TUFM: variants seen among roughly 807,000 people sequenced by gnomAD.
TUFM encodes the protein Tu translation elongation factor, mitochondrial, also known as elongation factor Tu, mitochondrial.
In TUFM, 23 loss-of-function variants were observed where a neutral mutation model predicts 45.0. The observed-to-expected ratio is 0.51, with a 90% CI of 0.37 to 0.72. The LOEUF (loss-of-function observed/expected upper bound fraction) is 0.72, where lower values mean the gene tolerates loss of function less well. Ranked by LOEUF, TUFM falls within the 30% of genes least tolerant of loss-of-function variation. The probability of loss-of-function intolerance (pLI) is 0.00; values close to 1 mark genes in which losing one functional copy is unlikely to be tolerated. For synonymous variants in TUFM, 243 were observed against 252.9 expected, an observed-to-expected ratio of 0.96 and a Z score of 0.37; for missense variants, 490 against 610.7, an observed-to-expected ratio of 0.80 and a Z score of 2.08.
intron 3 of TUFM, 89 bp from the exon 4 acceptor site, chr16:28,845,144 G>A: frequency 6.4e-7 from 1 of 1,569,174 alleles, no homozygotes; most frequent in Non-Finnish European, 8.8e-7. Flanking sequence ...AGAAACTCAG[G>A]CCCACCTTTC....
At position 28,844,587 on chromosome 16, in the gene TUFM, A is replaced by G; in HGVS notation, c.685-36T>C. ...GAAGTGCCAGGACTCTGAAATCCCC[A>G]TTCTACTTCCCTCGATTATCAAGAG... On this transcript the variant is annotated intron_variant, in intron 5 of 9. Coordinates refer to ENST00000313511, the MANE Select transcript of TUFM (RefSeq NM_003321.5). The surrounding 1 kb of genome is among the most constrained non-coding windows in gnomAD (Gnocchi z 5.8). 6.2e-7 allele frequency: 1 copy of G among 1,613,172 alleles called. No individual in the cohort carries two copies.
chr16:28,844,155 G>A lies in TUFM; in HGVS notation c.923-54C>T. 1.2e-6 allele frequency: 2 copies of A among 1,613,904 alleles called. No individual in the cohort carries two copies. Among genetic ancestry groups the A allele is most frequent in the Non-Finnish European group, 1.7e-6 (2 of 1,179,752 alleles). On this transcript the variant is annotated intron_variant, in intron 7 of 9. Transcript: ENST00000313511. This position sits in a 1 kb window ranked among gnomAD's most constrained non-coding sequence, Gnocchi z 5.8. Reference sequence around the variant, plus strand: ...AGAAGGAAGGCGAATGTGAGACAGAGGGAAGGCACAAGGGATCTGCCGGGG... The same window carrying A: ...AGAAGGAAGGCGAATGTGAGACAGAAGGAAGGCACAAGGGATCTGCCGGGG...
chr16:28,845,585 ATC>A, intron 2 of TUFM, 105 bp from the exon 3 acceptor site: 1 of 1,349,542 alleles, frequency 7.4e-7, no homozygotes, highest in Non-Finnish European at 1.0e-6. Flanking sequence ...ACCTCCTCCA[ATC>A]TCTAACTCTT....
intron 9 of TUFM, 114 bp downstream of exon 9, chr16:28,843,622 A>G (rs1342543760): frequency 3.4e-6 from 5 of 1,467,926 alleles, no homozygotes; most frequent in Non-Finnish European, 4.6e-6. Flanking sequence ...GCCCCTTTCC[A>G]CCTAAGGAAA....
rs900788058 is a variant in TUFM, at chr16:28,846,252, G to A, written c.18C>T (p.Ala6=). ...GGGGCGTCGCGCGCAGCAGGGTGGC[G>A]GCCGCCATTGTGGTCATACTCGCGC... MTTMA[A]ATLLRATPHF... is the part of the protein sequence containing the mutation. The change falls in exon 1 of 10, where the codon GCC becomes GCT. Residue 6 remains alanine, a synonymous_variant. Transcript: ENST00000313511. 1.9e-6 allele frequency: 3 copies of A among 1,564,088 alleles called. No individual in the cohort carries two copies. Among genetic ancestry groups the A allele is most frequent in the Non-Finnish European group, 2.6e-6 (3 of 1,154,874 alleles).
rs1961913790 is a variant in TUFM at position 28,845,353 on chromosome 16, G to A, written c.375C>T (p.Tyr125=). The change falls in exon 3 of 10, where the codon TAC becomes TAT. Residue 125 remains tyrosine (Y), a synonymous_variant. Transcript: ENST00000313511. ...CATGACCCGGGCAGTCTGTGTGGGC[G>A]TAGTGGCGGGCGGCAGTGCTATACT... ...HVEYSTAARH[Y]AHTDCPGHAD... is the part of the protein sequence containing the mutation. The A allele has an allele frequency of 1.2e-6, 2 of 1,614,016 alleles. No individual in the cohort carries two copies. Among genetic ancestry groups the A allele is most frequent in the Admixed American group, 1.7e-5 (1 of 60,002 alleles).
chr16:28,845,235 TCTC>T (rs1961909617), intron 3 of TUFM, 76 bp downstream of exon 3: 4 of 1,609,168 alleles, frequency 2.5e-6, no homozygotes, highest in Non-Finnish European at 2.5e-6. Context: ...AATATCTTAA[TCTC>T]CTCCCCACAA....
In TUFM at chr16:28,845,460, C is replaced by T. The variant is rs1238258360; in HGVS notation, c.268G>A (p.Ala90Thr). Residue 90 changes from alanine to threonine, a missense_variant, in exon 3 of 10, where the codon GCT becomes ACT. Coordinates refer to ENST00000313511, the MANE Select transcript of TUFM (RefSeq NM_003321.5). ...ITKILAEGGG[A>T]KFKKYEEIDN... ...ATCTCCTCGTACTTCTTGAACTTAG[C>T]CCCACCTCCCTCAGCTAGAACTAAA... 5 of 1,614,160 alleles carry T rather than the reference C, an allele frequency of 3.1e-6. No individual in the cohort carries two copies.
In TUFM at chr16:28,845,011, C is replaced by T; in HGVS notation, c.459G>A (p.Val153=). 6.2e-7 allele frequency: 1 copy of T among 1,614,174 alleles called. No homozygotes were observed. Among genetic ancestry groups the T allele is most frequent in the Non-Finnish European group, 8.5e-7 (1 of 1,180,026 alleles). Residue 153 remains valine (V), a synonymous_variant, in exon 4 of 10, where the codon GTG becomes GTA. Coordinates refer to ENST00000313511, the MANE Select transcript of TUFM (RefSeq NM_003321.5). ...GCATGGGGCCGTCATTGGCTGCTACCACCAGGATGCAGCCGTCGAGGGGTG... is the reference window on the plus strand; with the variant it reads ...GCATGGGGCCGTCATTGGCTGCTACTACCAGGATGCAGCCGTCGAGGGGTG... The part of the protein sequence containing the change: ...GTAPLDGCIL[V]VAANDGPMPQ...
chr16:28,844,544 TC>T lies in TUFM; in HGVS notation c.691del (p.Asp231ThrfsTer4), dbSNP rs1961882740. On this transcript the variant is annotated frameshift_variant, in exon 6 of 10. Coordinates refer to ENST00000313511, the MANE Select transcript of TUFM (RefSeq NM_003321.5). LOFTEE classifies it high-confidence loss of function. This position sits in a 1 kb window ranked among gnomAD's most constrained non-coding sequence, Gnocchi z 5.8. Reference protein sequence around the residue: ...GSALCALEGRDPELGLKSVQK... With the variant: ...GSALCALEGRXPELGLKSVQK... ...CACAGACTTCAGGCCTAACTCAGGGTCCCGACCCTGTTGAGGGGAAGTGCCA... is the reference window on the plus strand; with the variant it reads ...CACAGACTTCAGGCCTAACTCAGGGTCCGACCCTGTTGAGGGGAAGTGCCA... 6.2e-7 allele frequency: 1 copy of T among 1,613,502 alleles called. No individual in the cohort carries two copies. Among genetic ancestry groups the T allele is most frequent in the Admixed American group, 1.7e-5 (1 of 59,994 alleles).
At position 28,843,652 on chromosome 16, in the gene TUFM, A is replaced by C; in HGVS notation, c.1194+84T>G. 1.9e-6 allele frequency: 3 copies of C among 1,587,240 alleles called. No individual in the cohort carries two copies. In the South Asian group the frequency reaches 3.4e-5, roughly 18 times the overall value. On this transcript the variant is annotated intron_variant, in intron 9 of 9. Coordinates refer to ENST00000313511, the MANE Select transcript of TUFM (RefSeq NM_003321.5). Reference sequence around the variant, plus strand: ...AGGAAATAAAGCCACTCGGGTTGTCACAGTGTATCTTTGGAACTATGAGTG... The same window carrying C: ...AGGAAATAAAGCCACTCGGGTTGTCCCAGTGTATCTTTGGAACTATGAGTG...
chr16:28,844,138 G>C lies in TUFM; in HGVS notation c.923-37C>G. On this transcript the variant is annotated intron_variant, in intron 7 of 9. Transcript: ENST00000313511. This position sits in a 1 kb window ranked among gnomAD's most constrained non-coding sequence, Gnocchi z 5.8. ...AGGGAAAAGGAGCAGGGAGAAGGAAGGCGAATGTGAGACAGAGGGAAGGCA... is the reference window on the plus strand; with the variant it reads ...AGGGAAAAGGAGCAGGGAGAAGGAACGCGAATGTGAGACAGAGGGAAGGCA... The C allele has an allele frequency of 3.7e-6, 6 of 1,614,172 alleles. No homozygotes were observed. Among genetic ancestry groups the C allele is most frequent in the Non-Finnish European group, 5.1e-6 (6 of 1,179,966 alleles).
Position 28,844,223 on chromosome 16 carries a change from C to T in TUFM, c.922+7G>A, listed in dbSNP as rs764217121. 6.2e-6 allele frequency: 10 copies of T among 1,614,142 alleles called. No homozygotes were observed. The Admixed American group carries it at 1.7e-4, about 27-fold the overall frequency. ...CAGGCCCTGCTCTCCAGACTGGCTTCCCAAACCTGTCACCACAGTGCGGAT... is the reference window on the plus strand; with the variant it reads ...CAGGCCCTGCTCTCCAGACTGGCTTTCCAAACCTGTCACCACAGTGCGGAT... On this transcript the variant is annotated splice_region_variant and intron_variant, in intron 7 of 9. Transcript: ENST00000313511. This position sits in a 1 kb window ranked among gnomAD's most constrained non-coding sequence, Gnocchi z 5.8.
In TUFM at chr16:28,844,884, G is replaced by C; in HGVS notation, c.520-22C>G. 1 of 1,614,130 alleles carries C rather than the reference G, an allele frequency of 6.2e-7. No homozygotes were observed. The highest frequency in any genetic ancestry group is 1.7e-5 in the Admixed American group (1 of 60,002). On this transcript the variant is annotated intron_variant, in intron 4 of 9. Coordinates refer to ENST00000313511, the MANE Select transcript of TUFM (RefSeq NM_003321.5). This position sits in a 1 kb window ranked among gnomAD's most constrained non-coding sequence, Gnocchi z 5.8. Reference sequence around the variant, plus strand: ...CAATCTGTAGATGCCAGAGAGACAGGGACAATATACAGAGGGGCCCAACTC... The same window carrying C: ...CAATCTGTAGATGCCAGAGAGACAGCGACAATATACAGAGGGGCCCAACTC...
At position 28,844,578 on chromosome 16, in the gene TUFM, G is replaced by C; in HGVS notation, c.685-27C>G. Reference sequence around the variant, plus strand: ...TGTTGAGGGGAAGTGCCAGGACTCTGAAATCCCCATTCTACTTCCCTCGAT... The same window carrying C: ...TGTTGAGGGGAAGTGCCAGGACTCTCAAATCCCCATTCTACTTCCCTCGAT... On this transcript the variant is annotated intron_variant, in intron 5 of 9. Transcript: ENST00000313511. The surrounding 1 kb of genome is among the most constrained non-coding windows in gnomAD (Gnocchi z 5.8). The C allele has an allele frequency of 1.2e-6, 2 of 1,613,092 alleles. No homozygotes were observed. The highest frequency in any genetic ancestry group is 1.1e-5 in the South Asian group (1 of 91,074).
chr16:28,844,924 T>C lies in TUFM; in HGVS notation c.519+27A>G. 6.2e-7 allele frequency: 1 copy of C among 1,614,116 alleles called. No homozygotes were observed. Among genetic ancestry groups the C allele is most frequent in the Non-Finnish European group, 8.5e-7 (1 of 1,179,996 alleles). On this transcript the variant is annotated intron_variant, in intron 4 of 9. Coordinates refer to ENST00000313511, the MANE Select transcript of TUFM (RefSeq NM_003321.5). The surrounding 1 kb of genome is among the most constrained non-coding windows in gnomAD (Gnocchi z 5.8). The stretch of plus-strand genomic sequence containing the variant: ...GGGCCCAACTCCCCACTCTTCCCTT[T>C]TGCATCCTTACCCAGGCTCTGAGTA...
chr16:28,845,965 G>A lies in TUFM; in HGVS notation c.194C>T (p.Thr65Ile). Residue 65 changes from threonine to isoleucine, a missense_variant, in exon 2 of 10, where the codon ACC (threonine) becomes ATC (isoleucine). Thr to Ile is a moderately conservative substitution (Grantham distance 89). Coordinates refer to ENST00000313511, the MANE Select transcript of TUFM (RefSeq NM_003321.5). ...CTTCCCGTGGTCCACATGGCCGATGGTACCCACATTCACATGTGGCTTGTC... is the reference window on the plus strand; with the variant it reads ...CTTCCCGTGGTCCACATGGCCGATGATACCCACATTCACATGTGGCTTGTC... ...VRDKPHVNVGTIGHVDHGKTT... is the reference protein window; with the variant it reads ...VRDKPHVNVGIIGHVDHGKTT... 1 of 1,614,146 alleles carries A rather than the reference G, an allele frequency of 6.2e-7. No homozygotes were observed. The highest frequency in any genetic ancestry group is 8.5e-7 in the Non-Finnish European group (1 of 1,180,032).
At position 28,846,218 on chromosome 16, in the gene TUFM, C is replaced by T. The variant is rs1434184840; in HGVS notation, c.52G>A (p.Gly18Ser). The change falls in exon 1 of 10, where the codon GGT (glycine) becomes AGT (serine). Residue 18 changes from glycine to serine, a missense_variant and splice_region_variant. Coordinates refer to ENST00000313511, the MANE Select transcript of TUFM (RefSeq NM_003321.5). ...GCCATCGCCCTCCCTGACCACTCAC[C>T]GCTGAAGTGGGGCGTCGCGCGCAGC... Reference protein sequence around the residue: ...TLLRATPHFSGLAAGRTFLLQ... With the variant: ...TLLRATPHFSSLAAGRTFLLQ... 2 of 1,578,608 alleles carry T rather than the reference C, an allele frequency of 1.3e-6. No individual in the cohort carries two copies. The highest frequency in any genetic ancestry group is 2.4e-5 in the East Asian group (1 of 42,518).
In TUFM at chr16:28,844,883, G is replaced by C. The variant is rs758597922; in HGVS notation, c.520-21C>G. 2.5e-6 allele frequency: 4 copies of C among 1,614,074 alleles called. No individual in the cohort carries two copies. In the African/African-American group the frequency reaches 4.0e-5, roughly 16 times the overall value. On this transcript the variant is annotated intron_variant, in intron 4 of 9. Transcript: ENST00000313511. This position sits in a 1 kb window ranked among gnomAD's most constrained non-coding sequence, Gnocchi z 5.8. ...CCAATCTGTAGATGCCAGAGAGACA[G>C]GGACAATATACAGAGGGGCCCAACT...
Sources: allele counts gnomAD v4.1 joint callset, GRCh38; gene constraint gnomAD v4.1.1; non-coding constraint Gnocchi (gnomAD v3.1); transcripts MANE v1.5; gene names NCBI Gene and HGNC (gene_info 2026-07-23, HGNC 2026-07-21).